Variants in RSRC2 observed in about 807,000 individuals in gnomAD.
RSRC2 encodes arginine/serine-rich coiled-coil protein 2.
A neutral mutation model predicts 61.3 loss-of-function variants in RSRC2; 5 were observed. The ratio of observed to expected loss-of-function variants is 0.08; its 90% CI spans 0.04 to 0.17. RSRC2 has a LOEUF of 0.17. RSRC2 is among the 10% of genes least tolerant of loss of function. The pLI, the probability that RSRC2 is intolerant of heterozygous loss-of-function variation, is 1.00. For synonymous variants in RSRC2, 202 were observed against 166.5 expected (o/e 1.21, Z -1.64); for missense variants, 381 against 518.8 (o/e 0.73, Z 2.58).
chr12:122,515,068 G>C (rs1383605127), intron 6 of RSRC2, 37 bp downstream of exon 6: 12 of 1,598,922 alleles, frequency 7.5e-6, no homozygotes, highest in Non-Finnish European at 1.0e-5. Context: ...TTTATTTAAA[G>C]GCGAACTGGA....
In RSRC2 at chr12:122,505,715, C is replaced by G. The variant is rs1566321016; in HGVS notation, c.1126-9G>C. 3.7e-6 allele frequency: 6 copies of G among 1,608,578 alleles called. No homozygotes were observed. The highest frequency in any genetic ancestry group is 4.5e-5 in the East Asian group (2 of 44,834). ...CCAGCTTCATCTTCACTCTAAAAAT[C>G]AGACATAAAACATTACAATGAATTC... On this transcript the variant is annotated splice_polypyrimidine_tract_variant and intron_variant, in intron 9 of 9. Coordinates refer to ENST00000331738, the MANE Select transcript of RSRC2 (RefSeq NM_023012.6).
intron 6 of RSRC2, 126 bp from the exon 7 acceptor site, chr12:122,511,314 C>A: frequency 1.7e-6 from 1 of 584,108 alleles, no homozygotes; most frequent in South Asian, 2.4e-5. Context: ...AGCATCCCTC[C>A]ACCGATAGCC....
chr12:122,522,474 T>C, intron 1 of RSRC2, 175 bp from the exon 2 acceptor site: 1 of 520,172 alleles, frequency 1.9e-6, no homozygotes, highest in South Asian at 3.4e-5. Context: ...TGGCTTGAAA[T>C]GACGAACCTG....
chr12:122,507,983 C>T, intron 8 of RSRC2: 1 of 557,728 alleles, frequency 1.8e-6, no homozygotes, highest in Non-Finnish European at 3.2e-6. Context: ...ATCTTCTTTT[C>T]AGTAGAGACA....
intron 2 of RSRC2, among the ~76,000 whole-genome samples, 180 bp downstream of exon 2, chr12:122,521,963 T>C (rs1959260079): frequency 6.6e-6 from 1 of 152,184 alleles, no homozygotes; most frequent in Admixed American, 6.5e-5. Flanking sequence ...AGTGTGTCAA[T>C]TTTTGTATTT....
intron 1 of RSRC2, among the ~76,000 whole-genome samples, chr12:122,525,801 GTTTTTTTTTTTTTTTTTT>G (rs1169838098): frequency 3.3e-4 from 7 of 21,500 alleles, no homozygotes; most frequent in Middle Eastern, 0.042. Flanking sequence ...TCAACGAAGA[GTTTTTTTTTTTTTTTTTT>G]TTTTTTTTTT....
intron 1 of RSRC2, among the ~76,000 whole-genome samples, chr12:122,525,819 T>G (rs1960187739): frequency 1.5e-4 from 1 of 6,870 alleles, no homozygotes; most frequent in African/African-American, 2.3e-3. Flanking sequence ...TTTTTTTTTT[T>G]TTTTTTTTTT....
intron 4 of RSRC2, among the ~76,000 whole-genome samples, chr12:122,517,872 A>G (rs1173463103): frequency 1.3e-5 from 2 of 152,190 alleles, no homozygotes; most frequent in Admixed American, 6.5e-5. Flanking sequence ...ATACTCCAAC[A>G]TTAAAAAAAA....
intron 6 of RSRC2, among the ~76,000 whole-genome samples, chr12:122,512,967 A>G (rs1371303367): frequency 6.6e-6 from 1 of 151,924 alleles, no homozygotes; most frequent in Non-Finnish European, 1.5e-5. Flanking sequence ...CCAAGGTGGG[A>G]AGACTGCTTG....
Position 122,517,437 on chromosome 12 carries a change from T to C in RSRC2, c.399-7A>G, listed in dbSNP as rs1348077268. 2.5e-6 allele frequency: 4 copies of C among 1,613,990 alleles called. No individual in the cohort carries two copies. The highest frequency in any genetic ancestry group is 3.4e-6 in the Non-Finnish European group (4 of 1,180,006). Reference sequence around the variant, plus strand: ...GCTTCTACTACGATGGCGTCTGAAATTAAAGTGCACAAATTTGTAATTACT... The same window carrying C: ...GCTTCTACTACGATGGCGTCTGAAACTAAAGTGCACAAATTTGTAATTACT... On this transcript the variant is annotated splice_region_variant and splice_polypyrimidine_tract_variant and intron_variant, in intron 4 of 9. Coordinates refer to ENST00000331738, the MANE Select transcript of RSRC2 (RefSeq NM_023012.6).
intron 7 of RSRC2, among the ~76,000 whole-genome samples, chr12:122,510,812 T>C (rs1346232992): frequency 6.6e-6 from 1 of 152,156 alleles, no homozygotes; most frequent in Non-Finnish European, 1.5e-5. Context: ...TTTGGGAGGC[T>C]GGGGCAGGAG....
chr12:122,523,781 C>T (rs1959611433), intron 1 of RSRC2: 1 of 151,970 alleles, frequency 6.6e-6, no homozygotes, highest in Non-Finnish European at 1.5e-5. Flanking sequence ...GTGTATTGTA[C>T]TTTAATAAAT....
At chr12:122,507,557 C>CTT (rs1958193589) in intron 8 of RSRC2, among the ~76,000 whole-genome samples, 1 of 150,792 alleles carries the variant, frequency 6.6e-6, no homozygotes, top group Non-Finnish European at 1.5e-5. Flanking sequence ...CAAGTAGCCT[C>CTT]TTTTCCTTAC....
In RSRC2 at chr12:122,508,323, T is replaced by C; in HGVS notation, c.930A>G (p.Thr310=). Residue 310 remains threonine, a synonymous_variant, in exon 8 of 10, where the codon ACA becomes ACG. Transcript: ENST00000331738. ...AALQAKALAE[T]GIAVPSYYNP... ...TATAGTAGCTAGGAACAGCTATTCC[T>C]GTCTCTGCCAAAGCTTTAGCTTGCA... is the stretch of plus-strand genomic sequence containing the variant. 6.2e-7 allele frequency: 1 copy of C among 1,614,218 alleles called. No homozygotes were observed. The highest frequency in any genetic ancestry group is 1.7e-5 in the Admixed American group (1 of 60,020).
At chr12:122,515,351 G>C in intron 5 of RSRC2, 124 bp from the exon 6 acceptor site, 1 of 893,720 alleles carries the variant, frequency 1.1e-6, no homozygotes, top group Non-Finnish European at 1.7e-6. Context: ...AGATGCAAAA[G>C]ATTTAAAACA....
intron 6 of RSRC2, 136 bp from the exon 7 acceptor site, chr12:122,511,324 C>T (rs901258270): frequency 5.5e-6 from 3 of 545,264 alleles, no homozygotes; most frequent in Non-Finnish European, 3.2e-6. Flanking sequence ...CACCGATAGC[C>T]GTATGTGAAG....
Position 122,521,390 on chromosome 12 carries a change from T to G in RSRC2, c.202A>C (p.Lys68Gln), listed in dbSNP as rs752871340. The G allele has an allele frequency of 6.2e-7, 1 of 1,611,484 alleles. No individual in the cohort carries two copies. The highest frequency in any genetic ancestry group is 1.7e-5 in the Admixed American group (1 of 60,012). ...CACTACAAAGTGTTAATTACCTCTTTGCTTCTGCTCCGGCTCCTGTGTTTT... is the reference window on the plus strand; with the variant it reads ...CACTACAAAGTGTTAATTACCTCTTGGCTTCTGCTCCGGCTCCTGTGTTTT... ...GRKHRSRSRS[K>Q]EGRRHESKDK... The change falls in exon 3 of 10, where the codon AAA becomes CAA. Residue 68 changes from lysine to glutamine, a missense_variant. Lys to Gln is a moderately conservative substitution (Grantham distance 53). Transcript: ENST00000331738.
chr12:122,525,220 A>G (rs1959925858), intron 1 of RSRC2, among the ~76,000 whole-genome samples: 2 of 151,948 alleles, frequency 1.3e-5, no homozygotes, highest in African/African-American at 2.4e-5. Flanking sequence ...CCAAAAATAT[A>G]AAAAAATTAG....
rs750595710 is a variant in RSRC2, at chr12:122,505,506, A to G, written c.*21T>C. The G allele has an allele frequency of 6.2e-7, 1 of 1,607,474 alleles. No individual in the cohort carries two copies. The highest frequency in any genetic ancestry group is 8.5e-7 in the Non-Finnish European group (1 of 1,175,658). On this transcript the variant is annotated 3_prime_UTR_variant, in exon 10 of 10. Coordinates refer to ENST00000331738, the MANE Select transcript of RSRC2 (RefSeq NM_023012.6). ...AGAACAAGAAGTCTATAAGTCCCAA[A>G]CTTTACAAGTGTGATCATTTTCAAA... is the stretch of plus-strand genomic sequence containing the variant.
Sources: allele counts gnomAD v4.1 joint callset (sites outside exome capture counted in the v4.1 genomes callset), GRCh38; gene constraint gnomAD v4.1.1; transcripts MANE v1.5; gene names NCBI Gene and HGNC (gene_info 2026-07-23, HGNC 2026-07-21).